RNF135: variants seen among roughly 807,000 people sequenced by gnomAD.
RNF135 encodes the protein E3 ubiquitin-protein ligase RNF135.
RNF135 carries 46 observed loss-of-function variants against 41.9 expected under a neutral mutation model. That is an observed-to-expected ratio of 1.10 (90% CI 0.87 to 1.40). The LOEUF (loss-of-function observed/expected upper bound fraction) is 1.40. Ranked by LOEUF, RNF135 falls within the 40% of genes most tolerant of loss-of-function variation. The pLI is 0.00. For synonymous variants in RNF135, 238 were observed against 223.8 expected, an observed-to-expected ratio of 1.06 and a Z score of -0.57; for missense variants, 539 against 549.8, an observed-to-expected ratio of 0.98 and a Z score of 0.20.
chr17:30,975,764 C>T, intron 1 of RNF135: 2 of 1,162,270 alleles, frequency 1.7e-6, no homozygotes, highest in Non-Finnish European at 2.6e-6. Flanking sequence ...TCATCGGGTA[C>T]CCTCTTTCCA....
intron 1 of RNF135, chr17:30,973,274 C>T (rs1248212842): frequency 6.6e-6 from 1 of 152,104 alleles, no homozygotes; most frequent in Non-Finnish European, 1.5e-5. Context: ...AGATATGACT[C>T]ACAGATATAT....
At position 30,998,975 on chromosome 17, in the gene RNF135, C is replaced by T. The variant is rs1238554010; in HGVS notation, c.1083C>T (p.His361=). The part of the protein sequence containing the change: ...WKGTSQLSAW[H]MVKETVLGSD... ...GGACTAGCCAGCTCTCTGCATGGCA[C>T]ATGGTCAAGGAAACTGTCCTTGGCT... is the stretch of plus-strand genomic sequence containing the variant. Residue 361 remains histidine, a synonymous_variant, in exon 5 of 5, where the codon CAC becomes CAT. Coordinates refer to ENST00000328381, the MANE Select transcript of RNF135 (RefSeq NM_032322.4). The T allele has an allele frequency of 6.2e-7, 1 of 1,614,106 alleles. No individual in the cohort carries two copies. The highest frequency in any genetic ancestry group is 1.1e-5 in the South Asian group (1 of 91,080).
intron 2 of RNF135, among the ~76,000 whole-genome samples, chr17:30,987,140 A>G (rs1907648219): frequency 6.6e-6 from 1 of 152,182 alleles, no homozygotes; most frequent in Admixed American, 6.5e-5. Flanking sequence ...CATGTGTTGA[A>G]GGCCCTAGAA....
Position 30,998,892 on chromosome 17 carries a change from A to G in RNF135, c.1000A>G (p.Met334Val), listed in dbSNP as rs1908553633. 6 of 1,611,532 alleles carry G rather than the reference A, an allele frequency of 3.7e-6. No homozygotes were observed. The highest frequency in any genetic ancestry group is 2.2e-5 in the South Asian group (2 of 90,934). ...HWAVGVASWEMSRDQVLGRTM... is the reference protein window; with the variant it reads ...HWAVGVASWEVSRDQVLGRTM... ...GGCAGTTGGGGTGGCTTCCTGGGAG[A>G]TGAGCCGCGACCAGGTCCTGGGAAG... Residue 334 changes from methionine to valine, a missense_variant, in exon 5 of 5, where the codon ATG becomes GTG. By Grantham distance (21) the Met-to-Val change is conservative. Coordinates refer to ENST00000328381, the MANE Select transcript of RNF135 (RefSeq NM_032322.4).
chr17:30,984,584 A>G (rs1907450528), intron 1 of RNF135, 33 bp from the exon 2 acceptor site: 2 of 1,613,500 alleles, frequency 1.2e-6, no homozygotes, highest in Non-Finnish European at 1.7e-6. Context: ...CCAGTTTTAT[A>G]GAACCCAGGA....
At chr17:30,964,487 C>G in the RNF135 span, among the ~76,000 whole-genome samples, 2 of 151,656 alleles carry the variant, frequency 1.3e-5, no homozygotes, top group Non-Finnish European at 2.9e-5. Context: ...GCCTGTAATC[C>G]CAGCACTTTG....
At chr17:30,961,734 G>C in the RNF135 span, among the ~76,000 whole-genome samples, 1 of 152,094 alleles carries the variant, frequency 6.6e-6, no homozygotes, top group Non-Finnish European at 1.5e-5. Flanking sequence ...AAAATGCTGG[G>C]ATTACATGCG....
At chr17:30,968,057 G>C (rs916309830), upstream of RNF135, among the ~76,000 whole-genome samples, 1 of 151,928 alleles carries the variant, frequency 6.6e-6, no homozygotes, top group Non-Finnish European at 1.5e-5. Flanking sequence ...ATCACCTGAG[G>C]TCAGGAGTTC....
intron 3 of RNF135, among the ~76,000 whole-genome samples, chr17:30,989,100 T>C (rs1907817764): frequency 6.8e-6 from 1 of 146,382 alleles, no homozygotes; most frequent in African/African-American, 2.5e-5. Context: ...CCAAGTGCAG[T>C]GGCTCACGCC....
At chr17:30,986,481 C>A (rs1907600286) in intron 2 of RNF135, among the ~76,000 whole-genome samples, 1 of 152,228 alleles carries the variant, frequency 6.6e-6, no homozygotes, top group Non-Finnish European at 1.5e-5. Context: ...AGGCGTGCGC[C>A]ACATTGCCTG....
upstream of RNF135, among the ~76,000 whole-genome samples, chr17:30,968,578 CG>C: frequency 1.3e-5 from 2 of 151,700 alleles, no homozygotes; most frequent in South Asian, 4.2e-4. Context: ...TTAGTAGAGA[CG>C]GGGTTTCACC....
At chr17:30,991,717 A>G (rs879363029) in intron 3 of RNF135, among the ~76,000 whole-genome samples, 2 of 151,808 alleles carry the variant, frequency 1.3e-5, no homozygotes, top group African/African-American at 4.8e-5. Flanking sequence ...CCCGGCCTAT[A>G]CTACACTTTT....
intron 3 of RNF135, among the ~76,000 whole-genome samples, chr17:30,990,352 G>A (rs185045528): frequency 1.2e-3 from 177 of 152,140 alleles, no homozygotes; most frequent in African/African-American, 4.0e-3. Context: ...GTGAAACCCC[G>A]TCTCTACTAA....
chr17:30,969,840 C>CT (rs1379259406), upstream of RNF135, among the ~76,000 whole-genome samples: 1 of 147,396 alleles, frequency 6.8e-6, no homozygotes, highest in Admixed American at 6.9e-5. Flanking sequence ...TCTTGGCTCA[C>CT]TGAAACCTCC....
At chr17:30,985,658 C>T (rs1013372023) in intron 2 of RNF135, among the ~76,000 whole-genome samples, 5 of 152,230 alleles carry the variant, frequency 3.3e-5, no homozygotes, top group Non-Finnish European at 5.9e-5. Flanking sequence ...GCTCCACTCT[C>T]CCTCTTCTAG....
chr17:30,978,437 T>C (rs1026870311), intron 1 of RNF135, among the ~76,000 whole-genome samples: 2 of 152,128 alleles, frequency 1.3e-5, no homozygotes, highest in African/African-American at 2.4e-5. Context: ...CTTTTGTCTC[T>C]TCTTACTGTG....
upstream of RNF135, chr17:30,970,740 G>A: frequency 2.7e-6 from 1 of 370,558 alleles, no homozygotes; most frequent in East Asian, 5.4e-5. Context: ...GCCAACGGAC[G>A]AAGACATCCA....
chr17:30,963,972 G>A, the RNF135 span, among the ~76,000 whole-genome samples: 5 of 152,160 alleles, frequency 3.3e-5, no homozygotes, highest in African/African-American at 1.2e-4. Context: ...TTTTTAAGCA[G>A]TGTTTTGGCT....
At chr17:30,980,185 A>T in intron 1 of RNF135, 1 of 120,844 alleles carries the variant, frequency 8.3e-6, no homozygotes, top group Non-Finnish European at 1.7e-5. Context: ...CACCTCCCGG[A>T]TGGGGCGGCT....
Sources: gnomAD v4.1 joint callset for allele counts (sites outside exome capture counted in the v4.1 genomes callset) on GRCh38, gnomAD v4.1.1 for gene constraint, MANE v1.5 for transcripts, NCBI Gene and HGNC (gene_info 2026-07-23, HGNC 2026-07-21) for gene names.